Variants in CATSPERD observed in about 807,000 individuals in gnomAD.
CATSPERD encodes cation channel sperm-associated auxiliary subunit delta.
Under a neutral mutation model 98.1 loss-of-function variants are expected in CATSPERD, and 86 were observed. The ratio of observed to expected loss-of-function variants is 0.88; its 90% CI spans 0.74 to 1.05. The LOEUF is 1.05. Among genes scored for constraint, CATSPERD ranks in the 50% least tolerant of loss-of-function variants. The probability of loss-of-function intolerance (pLI) is 0.00; values close to 1 mark genes in which losing one functional copy is unlikely to be tolerated. For missense variants in CATSPERD, 995 were observed against 1,005.7 expected (o/e 0.99, Z 0.14); for synonymous variants, 394 against 390.2 (o/e 1.01, Z -0.12).
chr19:5,734,680 A>G (rs1275748045), intron 5 of CATSPERD, among the ~76,000 whole-genome samples: 1 of 151,790 alleles, frequency 6.6e-6, no homozygotes, highest in Non-Finnish European at 1.5e-5. Context: ...GTGTGCCTGT[A>G]ATCCCAGCTT....
In CATSPERD at chr19:5,768,183, T is replaced by C. The variant is rs377536725; in HGVS notation, c.1575T>C (p.Cys525=). 2 of 1,613,512 alleles carry C rather than the reference T, an allele frequency of 1.2e-6. No individual in the cohort carries two copies. Among genetic ancestry groups the C allele is most frequent in the African/African-American group, 2.7e-5 (2 of 74,902 alleles). Residue 525 remains cysteine (C), a synonymous_variant, in exon 18 of 22, where the codon TGT becomes TGC. Transcript: ENST00000381624. ...KIVIQNKVSA[C]SMGILDPLTL... ...TTGCTTGCAGCAAAGTTTCCGCCTGTTCCATGGGCATCCTGGACCCCTTGA... is the reference window on the plus strand; with the variant it reads ...TTGCTTGCAGCAAAGTTTCCGCCTGCTCCATGGGCATCCTGGACCCCTTGA...
Position 5,763,641 on chromosome 19 carries a change from C to G in CATSPERD, c.1506+348C>G, listed in dbSNP as rs1020389962. Among the ~76,000 whole-genome samples the G allele has an allele frequency of 1.1e-4, 16 of 151,936 alleles. No homozygotes were observed. The East Asian group carries it at 1.9e-3, about 18-fold the overall frequency. On this transcript the variant is annotated intron_variant, in intron 16 of 21. Coordinates refer to ENST00000381624, the MANE Select transcript of CATSPERD (RefSeq NM_152784.4). Reference sequence around the variant, plus strand: ...AAAGTAGGATGGGGGGTGTCAGGAGCTGAGGAAGGGGATGATTGAAGCAGT... The same window carrying G: ...AAAGTAGGATGGGGGGTGTCAGGAGGTGAGGAAGGGGATGATTGAAGCAGT...
rs61744081 is a variant in CATSPERD, at chr19:5,778,543, T to C, written c.2264T>C (p.Ile755Thr). 1,227 of 1,613,858 alleles carry C rather than the reference T, an allele frequency of 7.6e-4. 8 individuals are homozygous for C. The African/African-American group carries it at 0.015, about 20-fold the overall frequency. The change falls in exon 22 of 22, where the codon ATC (isoleucine) becomes ACC (threonine). Residue 755 changes from isoleucine to threonine, a missense_variant. Ile to Thr is a moderately conservative substitution (Grantham distance 89). This residue lies in a region of CATSPERD where 762 missense variants were observed against 773.7 expected (regional missense o/e 0.98). Coordinates refer to ENST00000381624, the MANE Select transcript of CATSPERD (RefSeq NM_152784.4). ...CTACGCACAGCACGCGGCCGCAGGA[T>C]CAAGAAGTGTGCGACACAGCTGTGT... ...KLLRTARGRR[I>T]KKCATQLCRR...
chr19:5,768,341 TTTA>T, intron 18 of CATSPERD, 99 bp downstream of exon 18: 5 of 741,480 alleles, frequency 6.7e-6, no homozygotes, highest in East Asian at 4.3e-5. Context: ...TATTTATTTA[TTTA>T]TTATTATTAT....
chr19:5,734,855 C>T (rs989570754), intron 5 of CATSPERD, among the ~76,000 whole-genome samples: 2 of 151,600 alleles, frequency 1.3e-5, no homozygotes, highest in African/African-American at 2.4e-5. Flanking sequence ...GACTGGTGTC[C>T]GGGGAGGACC....
intron 3 of CATSPERD, among the ~76,000 whole-genome samples, chr19:5,729,553 C>T (rs1030277652): frequency 6.6e-6 from 1 of 152,144 alleles, no homozygotes; most frequent in Non-Finnish European, 1.5e-5. Flanking sequence ...TTCTTATATA[C>T]ACATTCCTGG....
intron 21 of CATSPERD, among the ~76,000 whole-genome samples, chr19:5,776,966 C>T (rs998915517): frequency 1.3e-5 from 2 of 151,978 alleles, no homozygotes; most frequent in South Asian, 2.1e-4. Context: ...ATTTACACTA[C>T]GGGAATTGGC....
chr19:5,724,684 G>A (rs2055569437), intron 1 of CATSPERD, 124 bp from the exon 2 acceptor site: 1 of 945,778 alleles, frequency 1.1e-6, no homozygotes, highest in East Asian at 2.5e-5. Flanking sequence ...GGGCGACAGA[G>A]TGAGACTCCG....
At chr19:5,733,483 C>G (rs938913802) in intron 4 of CATSPERD, among the ~76,000 whole-genome samples, 2 of 146,708 alleles carry the variant, frequency 1.4e-5, no homozygotes, top group Admixed American at 1.4e-4. Flanking sequence ...TCTTTCTTTC[C>G]CAGAGTTTTG....
chr19:5,750,295 C>G (rs533396301), intron 11 of CATSPERD, among the ~76,000 whole-genome samples: 5 of 146,098 alleles, frequency 3.4e-5, no homozygotes, highest in African/African-American at 1.3e-4. Flanking sequence ...AAAAAAAATA[C>G]GAAAAAATTA....
Position 5,746,180 on chromosome 19 carries a change from C to T in CATSPERD, c.808+117C>T, listed in dbSNP as rs1396169327. On this transcript the variant is annotated intron_variant, in intron 9 of 21. Transcript: ENST00000381624. Reference sequence around the variant, plus strand: ...CCCCTCGACCACTCGGTTATTTTTTCTCTTCCATGTTCAGAGTGGACCACA... The same window carrying T: ...CCCCTCGACCACTCGGTTATTTTTTTTCTTCCATGTTCAGAGTGGACCACA... The T allele has an allele frequency of 2.7e-6, 3 of 1,103,414 alleles. No homozygotes were observed. In the East Asian group the frequency reaches 7.1e-5, roughly 26 times the overall value. 68.4% of individuals were successfully genotyped at this position (1,103,414 alleles called of 1,614,324 possible).
At chr19:5,742,339 CATGT>C (rs754234462) in intron 7 of CATSPERD, among the ~76,000 whole-genome samples, 16 of 141,786 alleles carry the variant, frequency 1.1e-4, no homozygotes, top group African/African-American at 2.6e-4. Flanking sequence ...CATGTGTGTA[CATGT>C]GTGTGTGTGC....
Position 5,751,827 on chromosome 19 carries a change from T to C in CATSPERD, c.1164+4T>C. On this transcript the variant is annotated splice_donor_region_variant and intron_variant, in intron 12 of 21. Transcript: ENST00000381624. Reference sequence around the variant, plus strand: ...ACTCCACGTTGGAAAGTGCAAGGTATGTGATCCTAACTGTTTTGATCAATG... The same window carrying C: ...ACTCCACGTTGGAAAGTGCAAGGTACGTGATCCTAACTGTTTTGATCAATG... The C allele has an allele frequency of 6.2e-7, 1 of 1,607,796 alleles. No homozygotes were observed. The highest frequency in any genetic ancestry group is 8.5e-7 in the Non-Finnish European group (1 of 1,176,574).
chr19:5,730,292 C>A (rs560154394), intron 4 of CATSPERD, among the ~76,000 whole-genome samples: 2 of 152,176 alleles, frequency 1.3e-5, no homozygotes, highest in Non-Finnish European at 2.9e-5. Flanking sequence ...CACCTGTAAT[C>A]CCAGCACTTT....
chr19:5,750,260 A>G (rs56210714), intron 11 of CATSPERD, among the ~76,000 whole-genome samples: 6,346 of 149,172 alleles, frequency 0.043, 463 homozygotes, highest in African/African-American at 0.14. Flanking sequence ...CATCCTGGCT[A>G]ACACGGTGAA....
At position 5,776,316 on chromosome 19, in the gene CATSPERD, G is replaced by T; in HGVS notation, c.2096+1G>T. The T allele has an allele frequency of 2.5e-6, 4 of 1,614,080 alleles. No individual in the cohort carries two copies. Among genetic ancestry groups the T allele is most frequent in the Non-Finnish European group, 3.4e-6 (4 of 1,179,944 alleles). ...TTTCGATCGTGGATCCGTACTACAG[G>T]TGAGTGGGCCCATCTGCCCCTACGA... On this transcript the variant is annotated splice_donor_variant, in intron 21 of 21. Coordinates refer to ENST00000381624, the MANE Select transcript of CATSPERD (RefSeq NM_152784.4). LOFTEE classifies it high-confidence loss of function.
At chr19:5,729,997 G>T in intron 4 of CATSPERD, 53 bp downstream of exon 4, 1 of 1,032,442 alleles carries the variant, frequency 9.7e-7, no homozygotes, top group South Asian at 1.4e-5. Context: ...AATATTTGGG[G>T]GAAAATACAG....
At chr19:5,764,153 C>G (rs1239696252) in intron 16 of CATSPERD, among the ~76,000 whole-genome samples, 3 of 150,684 alleles carry the variant, frequency 2.0e-5, no homozygotes, top group Non-Finnish European at 4.4e-5. Flanking sequence ...CCAACCTGGT[C>G]TTGAACTCCT....
chr19:5,726,015 TAAC>T (rs2055597585), intron 2 of CATSPERD, among the ~76,000 whole-genome samples: 1 of 152,098 alleles, frequency 6.6e-6, no homozygotes, highest in African/African-American at 2.4e-5. Context: ...AAACAAATAG[TAAC>T]ATGAATAGGT....
Sources: gnomAD v4.1 joint callset for allele counts (sites outside exome capture counted in the v4.1 genomes callset) on GRCh38, gnomAD v4.1.1 for gene constraint, gnomAD v4.1.1 regional missense constraint, MANE v1.5 for transcripts, NCBI Gene and HGNC (gene_info 2026-07-23, HGNC 2026-07-21) for gene names.